The following SDK2 variants were observed in gnomAD, a reference collection of about 807,000 sequenced individuals.
SDK2 encodes the protein protein sidekick-2.
A neutral mutation model predicts 253.9 loss-of-function variants in SDK2; 105 were observed. The observed-to-expected ratio is 0.41, with a 90% CI of 0.35 to 0.49. SDK2 has a LOEUF of 0.49. Ranked by LOEUF, SDK2 falls within the 20% of genes least tolerant of loss-of-function variation. SDK2 has a pLI of 0.06. For synonymous variants in SDK2, 1,249 were observed against 1,234.9 expected (o/e 1.01, Z -0.24); for missense variants, 2,608 against 3,003.0 (o/e 0.87, Z 3.07).
intron 1 of SDK2, among the ~76,000 whole-genome samples, chr17:73,631,041 C>G (rs540266345): frequency 6.6e-6 from 1 of 152,310 alleles, no homozygotes; most frequent in African/African-American, 2.4e-5. Context: ...GTGGACAGAG[C>G]TCTCCAGCCA....
chr17:73,524,107 A>G (rs2145791005), intron 1 of SDK2, among the ~76,000 whole-genome samples: 1 of 152,168 alleles, frequency 6.6e-6, no homozygotes, highest in South Asian at 2.1e-4. Context: ...CTACTTCTCC[A>G]TGCTTGGGCC....
intron 30 of SDK2, among the ~76,000 whole-genome samples, chr17:73,387,263 C>T (rs1020929568): frequency 1.3e-5 from 2 of 152,280 alleles, no homozygotes; most frequent in Middle Eastern, 3.4e-3. Context: ...CCTGGCCTCT[C>T]TTTTTTAAAT....
intron 2 of SDK2, among the ~76,000 whole-genome samples, chr17:73,502,691 C>A (rs2063899772): frequency 6.6e-6 from 1 of 152,158 alleles, no homozygotes; most frequent in South Asian, 2.1e-4. Flanking sequence ...AAAAGGAATA[C>A]AAGAAAATCT....
chr17:73,540,878 G>C (rs1261519723), intron 1 of SDK2, among the ~76,000 whole-genome samples: 1 of 152,240 alleles, frequency 6.6e-6, no homozygotes, highest in Non-Finnish European at 1.5e-5. Flanking sequence ...CAGGAGATAA[G>C]TGGGTGGTCC....
intron 1 of SDK2, among the ~76,000 whole-genome samples, chr17:73,537,598 G>T (rs575665464): frequency 1.3e-5 from 2 of 152,020 alleles, no homozygotes; most frequent in East Asian, 3.9e-4. Flanking sequence ...GGGGAGGTTT[G>T]GGGGGATGAA....
chr17:73,514,368 G>C (rs1455793943), intron 1 of SDK2, among the ~76,000 whole-genome samples: 1 of 152,154 alleles, frequency 6.6e-6, no homozygotes, highest in Non-Finnish European at 1.5e-5. Flanking sequence ...GTCCTCCCTA[G>C]GCTCCAGGCT....
intron 1 of SDK2, among the ~76,000 whole-genome samples, chr17:73,634,695 G>A (rs182733001): frequency 1.3e-5 from 2 of 152,286 alleles, no homozygotes; most frequent in South Asian, 2.1e-4. Flanking sequence ...AAAAGCTGTC[G>A]GGGCAGGGGC....
At chr17:73,628,000 C>T (rs373185488) in intron 1 of SDK2, among the ~76,000 whole-genome samples, 2 of 152,252 alleles carry the variant, frequency 1.3e-5, no homozygotes, top group African/African-American at 2.4e-5. Context: ...TGCAGTGAGC[C>T]GAGATCGTGC....
intron 3 of SDK2, among the ~76,000 whole-genome samples, chr17:73,459,189 C>T (rs1410207240): frequency 6.6e-6 from 1 of 152,204 alleles, no homozygotes; most frequent in African/African-American, 2.4e-5. Context: ...GTTCCTCCAG[C>T]CTTGCCAATG....
At chr17:73,485,241 AG>A (rs1275760701) in intron 2 of SDK2, among the ~76,000 whole-genome samples, 1 of 152,170 alleles carries the variant, frequency 6.6e-6, no homozygotes, top group South Asian at 2.1e-4. Context: ...TCCTGAGGGC[AG>A]GAAGGCTCAG....
At chr17:73,414,175 G>C (rs895150800) in intron 18 of SDK2, among the ~76,000 whole-genome samples, 12 of 151,732 alleles carry the variant, frequency 7.9e-5, no homozygotes, top group African/African-American at 2.9e-4. Flanking sequence ...AGCCTCCCGA[G>C]TAGCTGGGAT....
intron 1 of SDK2, among the ~76,000 whole-genome samples, chr17:73,637,633 C>T (rs981869711): frequency 5.3e-5 from 8 of 152,242 alleles, no homozygotes; most frequent in African/African-American, 1.7e-4. Context: ...CCTCGGCCTC[C>T]CAAAGTGCTG....
At chr17:73,566,894 T>C (rs1208491864) in intron 1 of SDK2, among the ~76,000 whole-genome samples, 4 of 132,846 alleles carry the variant, frequency 3.0e-5, no homozygotes, top group African/African-American at 5.7e-5. Flanking sequence ...AAAAGCAGAG[T>C]GTAAAAACTT....
intron 1 of SDK2, among the ~76,000 whole-genome samples, chr17:73,615,182 CAG>C (rs1052312205): frequency 1.3e-5 from 2 of 152,160 alleles, no homozygotes; most frequent in African/African-American, 4.8e-5. Flanking sequence ...CTGTTGACTT[CAG>C]AGTCTTAGAT....
intron 2 of SDK2, among the ~76,000 whole-genome samples, chr17:73,489,650 G>A (rs1041885934): frequency 3.9e-5 from 6 of 152,200 alleles, no homozygotes; most frequent in Non-Finnish European, 7.3e-5. Context: ...TCCCTATAAC[G>A]AGCTTGGTAG....
At chr17:73,366,337 C>A (rs1041700570) in intron 37 of SDK2, among the ~76,000 whole-genome samples, 1 of 152,120 alleles carries the variant, frequency 6.6e-6, no homozygotes, top group African/African-American at 2.4e-5. Flanking sequence ...AAAGAGTGGC[C>A]GGGACAGGAG....
At chr17:73,414,229 T>C (rs1295060960) in intron 18 of SDK2, among the ~76,000 whole-genome samples, 1 of 151,966 alleles carries the variant, frequency 6.6e-6, no homozygotes, top group Admixed American at 6.6e-5. Flanking sequence ...TTTGTATTTT[T>C]AGTAGAGACG....
intron 40 of SDK2, among the ~76,000 whole-genome samples, chr17:73,353,618 C>T (rs922702372): frequency 5.3e-5 from 8 of 151,342 alleles, no homozygotes; most frequent in Admixed American, 2.0e-4. Flanking sequence ...AGGCTGGTCT[C>T]GAACTCTCGA....
intron 1 of SDK2, chr17:73,520,502 G>A (rs533324047): frequency 6.6e-6 from 1 of 152,206 alleles, no homozygotes; most frequent in African/African-American, 2.4e-5. Flanking sequence ...GGGTGCAAAA[G>A]CAGCAACAGG....
Sources: gnomAD v4.1 joint callset for allele counts (sites outside exome capture counted in the v4.1 genomes callset) on GRCh38, gnomAD v4.1.1 for gene constraint, MANE v1.5 for transcripts, NCBI Gene and HGNC (gene_info 2026-07-23, HGNC 2026-07-21) for gene names.